The following SYT10 variants were observed in gnomAD, a reference collection of about 807,000 sequenced individuals.
The protein encoded by SYT10 is synaptotagmin 10, also known as synaptotagmin-10.
In SYT10, 31 loss-of-function variants were observed where a neutral mutation model predicts 51.1. The ratio of observed to expected loss-of-function variants is 0.61; its 90% CI spans 0.46 to 0.82. The LOEUF is 0.82. Among genes scored for constraint, SYT10 ranks in the 40% least tolerant of loss-of-function variants. The probability of loss-of-function intolerance (pLI) is 0.00; values close to 1 mark genes in which losing one functional copy is unlikely to be tolerated. For missense variants in SYT10, 603 were observed against 634.0 expected (o/e 0.95, Z 0.53); for synonymous variants, 233 against 225.9 (o/e 1.03, Z -0.28).
chr12:33,396,703 G>C (rs1430123235), intron 3 of SYT10, among the ~76,000 whole-genome samples: 1 of 110,188 alleles, frequency 9.1e-6, no homozygotes, highest in Non-Finnish European at 1.9e-5. Flanking sequence ...TTTTTTTTTT[G>C]AGATGGAGTC....
chr12:33,405,071 T>A (rs898835451), intron 3 of SYT10: 1 of 152,168 alleles, frequency 6.6e-6, no homozygotes. Context: ...TTAGATTTCA[T>A]TGGCAGATTA....
At chr12:33,413,880 C>T (rs1295037507) in intron 2 of SYT10, among the ~76,000 whole-genome samples, 1 of 152,166 alleles carries the variant, frequency 6.6e-6, no homozygotes, top group Non-Finnish European at 1.5e-5. Flanking sequence ...TTAAAAGACA[C>T]AGACTGGCTA....
chr12:33,411,902 A>G (rs1253916024), intron 2 of SYT10, among the ~76,000 whole-genome samples: 1 of 152,178 alleles, frequency 6.6e-6, no homozygotes, highest in East Asian at 1.9e-4. Context: ...GAATATAAAA[A>G]GGAATATAAG....
intron 2 of SYT10, among the ~76,000 whole-genome samples, chr12:33,412,158 C>A (rs929067254): frequency 1.3e-5 from 2 of 151,984 alleles, no homozygotes; most frequent in Non-Finnish European, 2.9e-5. Flanking sequence ...TATAAAACTT[C>A]AATTTTCTAT....
At chr12:33,410,550 T>C (rs1286863370) in intron 2 of SYT10, among the ~76,000 whole-genome samples, 1 of 152,116 alleles carries the variant, frequency 6.6e-6, no homozygotes, top group Non-Finnish European at 1.5e-5. Flanking sequence ...AATACATATA[T>C]TGCAAATTAA....
intron 1 of SYT10, among the ~76,000 whole-genome samples, chr12:33,439,169 C>T (rs1321783127): frequency 6.6e-6 from 1 of 152,264 alleles, no homozygotes; most frequent in African/African-American, 2.4e-5. Flanking sequence ...AGAAGCCCGG[C>T]AGGTGGACAG....
intron 5 of SYT10, among the ~76,000 whole-genome samples, chr12:33,381,794 A>G (rs1866117383): frequency 6.6e-6 from 1 of 152,170 alleles, no homozygotes; most frequent in Admixed American, 6.5e-5. Context: ...TGTGATCTGG[A>G]AGAACTATCC....
chr12:33,393,503 A>G (rs1411889915), intron 3 of SYT10, among the ~76,000 whole-genome samples: 2 of 152,174 alleles, frequency 1.3e-5, no homozygotes, highest in African/African-American at 2.4e-5. Flanking sequence ...AGACACCCAG[A>G]CTGGATGAAC....
intron 2 of SYT10, among the ~76,000 whole-genome samples, chr12:33,419,343 A>G (rs1866480731): frequency 6.6e-6 from 1 of 152,190 alleles, no homozygotes; most frequent in Non-Finnish European, 1.5e-5. Flanking sequence ...CTATGACATA[A>G]GTGTTCAATA....
At chr12:33,434,490 G>A (rs1415983125) in intron 1 of SYT10, among the ~76,000 whole-genome samples, 1 of 152,110 alleles carries the variant, frequency 6.6e-6, no homozygotes, top group African/African-American at 2.4e-5. Flanking sequence ...TAAATCCCTT[G>A]ATTCATTCAT....
chr12:33,376,839 G>A lies in SYT10; in HGVS notation c.1563C>T (p.Ser521=). ...QGSCPSPKPP[S]TP ...TCTCATTTTGGAGGCATTATGGTGT[G>A]GAAGGTGGTTTAGGAGAAGGGCAGG... Residue 521 remains serine, a synonymous_variant, in exon 7 of 7, where the codon TCC becomes TCT. Coordinates refer to ENST00000228567, the MANE Select transcript of SYT10 (RefSeq NM_198992.4). 6.2e-7 allele frequency: 1 copy of A among 1,614,060 alleles called. No individual in the cohort carries two copies. Among genetic ancestry groups the A allele is most frequent in the South Asian group, 1.1e-5 (1 of 91,078 alleles).
At chr12:33,424,623 C>T (rs528711476) in intron 2 of SYT10, among the ~76,000 whole-genome samples, 90 of 151,910 alleles carry the variant, frequency 5.9e-4, no homozygotes, top group African/African-American at 2.1e-3. Context: ...TATAGCGAGA[C>T]CAATGTCTTG....
chr12:33,433,210 T>TAAC (rs1449870034), intron 1 of SYT10, among the ~76,000 whole-genome samples: 1 of 152,178 alleles, frequency 6.6e-6, no homozygotes, highest in Non-Finnish European at 1.5e-5. Flanking sequence ...CCTATAATAA[T>TAAC]AACACTCCTT....
At chr12:33,419,677 TA>T (rs886395530) in intron 2 of SYT10, among the ~76,000 whole-genome samples, 4 of 151,744 alleles carry the variant, frequency 2.6e-5, no homozygotes, top group Admixed American at 6.6e-5. Flanking sequence ...TCTCCATGTT[TA>T]AAAAAATATG....
rs182423196 is a variant in SYT10 at position 33,426,203 on chromosome 12, T to C, written c.444A>G (p.Leu148=). The change falls in exon 2 of 7, where the codon TTA becomes TTG. Residue 148 remains leucine (L), a synonymous_variant. Coordinates refer to ENST00000228567, the MANE Select transcript of SYT10 (RefSeq NM_198992.4). ...GTGCATGTTTAATTAAATGTTCTTT[T>C]AAAGCAGTTTGGACTTCTGCTGGGA... ...PDIPAEVQTA[L]KEHLIKHARV... The C allele has an allele frequency of 1.2e-6, 2 of 1,613,748 alleles. No individual in the cohort carries two copies. The highest frequency in any genetic ancestry group is 1.7e-5 in the Admixed American group (1 of 59,894).
chr12:33,426,777 T>C (rs1230120613), intron 1 of SYT10, among the ~76,000 whole-genome samples: 2 of 152,188 alleles, frequency 1.3e-5, no homozygotes, highest in African/African-American at 4.8e-5. Context: ...TTCAAGATTT[T>C]GCAAACAAGG....
intron 3 of SYT10, among the ~76,000 whole-genome samples, chr12:33,392,578 T>C (rs1017440884): frequency 6.6e-6 from 1 of 152,162 alleles, no homozygotes; most frequent in Non-Finnish European, 1.5e-5. Context: ...TTTTACATCA[T>C]ATTTTCATTA....
Position 33,377,157 on chromosome 12 carries a change from A to T in SYT10, c.1501-256T>A, listed in dbSNP as rs11052657. 0.31 allele frequency among the ~76,000 whole-genome samples: 46,974 copies of T among 151,992 alleles called. 8,784 individuals are homozygous for T. Among genetic ancestry groups the T allele is most frequent in the African/African-American group, 0.52 (21,373 of 41,430 alleles). On this transcript the variant is annotated intron_variant, in intron 6 of 6. Coordinates refer to ENST00000228567, the MANE Select transcript of SYT10 (RefSeq NM_198992.4). ...CCCTGTGTAGACAACTATTTATGAC[A>T]GCAGAATAATTTCAAATTTTACAAC...
chr12:33,406,659 C>A, intron 3 of SYT10, 130 bp downstream of exon 3: 1 of 760,214 alleles, frequency 1.3e-6, no homozygotes, highest in Non-Finnish European at 2.0e-6. Context: ...AAATGAAATT[C>A]TACCTTTGCA....
Sources: allele counts gnomAD v4.1 joint callset (sites outside exome capture counted in the v4.1 genomes callset), GRCh38; gene constraint gnomAD v4.1.1; transcripts MANE v1.5; gene names NCBI Gene and HGNC (gene_info 2026-07-23, HGNC 2026-07-21).